The following SHANK2 variants were observed in gnomAD, a reference collection of about 807,000 sequenced individuals.
SHANK2 encodes the protein SH3 and multiple ankyrin repeat domains 2.
SHANK2 carries 43 observed loss-of-function variants against 133.7 expected under a neutral mutation model. The observed-to-expected ratio is 0.32, with a 90% CI of 0.25 to 0.41. SHANK2 has a LOEUF of 0.41. Ranked by LOEUF, SHANK2 falls within the 10% of genes least tolerant of loss-of-function variation. The pLI is 1.00. For synonymous variants in SHANK2, 1,017 were observed against 952.8 expected (o/e 1.07, Z -1.24); for missense variants, 1,994 against 2,235.8 (o/e 0.89, Z 2.18).
intron 11 of SHANK2, among the ~76,000 whole-genome samples, chr11:70,889,348 C>T (rs1276777218): frequency 6.6e-6 from 1 of 152,152 alleles, no homozygotes; most frequent in African/African-American, 2.4e-5. Context: ...GGAACCAGCC[C>T]TGCCAACACC....
intron 14 of SHANK2, among the ~76,000 whole-genome samples, chr11:70,718,193 G>A (rs1337650867): frequency 6.6e-6 from 1 of 152,228 alleles, no homozygotes; most frequent in Non-Finnish European, 1.5e-5. Context: ...TGGGCCGGAG[G>A]TGTCACTTAG....
Position 70,486,270 on chromosome 11 carries a change from T to C in SHANK2, c.4023A>G (p.Pro1341=). The C allele has an allele frequency of 6.2e-7, 1 of 1,614,054 alleles. No individual in the cohort carries two copies. The highest frequency in any genetic ancestry group is 8.5e-7 in the Non-Finnish European group (1 of 1,180,040). ...EDEKAEVEMK[P]DSSPSEVPEG... ...CTGGCACCTCGGACGGCGAGCTGTCTGGCTTCATCTCCACCTCTGCCTTCT... is the reference window on the plus strand; with the variant it reads ...CTGGCACCTCGGACGGCGAGCTGTCCGGCTTCATCTCCACCTCTGCCTTCT... Residue 1341 remains proline, a synonymous_variant, in exon 25 of 26, where the codon CCA becomes CCG. Coordinates refer to ENST00000601538, the MANE Select transcript of SHANK2 (RefSeq NM_012309.5). This position sits in a 1 kb window ranked among gnomAD's most constrained non-coding sequence, Gnocchi z 8.0.
chr11:70,493,872 T>G (rs782763090), intron 21 of SHANK2, among the ~76,000 whole-genome samples: 1 of 152,180 alleles, frequency 6.6e-6, no homozygotes, highest in Non-Finnish European at 1.5e-5. Flanking sequence ...CTTTGAGCCA[T>G]GAGGCTATTG....
rs1266592405 is a variant in SHANK2, at chr11:70,688,531, T to C, written c.1853+10157A>G. The stretch of plus-strand genomic sequence containing the variant: ...TGACCCACTGTGCACCCAGGAAACA[T>C]AGCAAGTGTCAGCTTTATGCTTGGC... On this transcript the variant is annotated intron_variant, in intron 15 of 25. Transcript: ENST00000601538. 3.9e-5 allele frequency among the ~76,000 whole-genome samples: 6 copies of C among 152,320 alleles called. No homozygotes were observed. The East Asian group carries it at 9.7e-4, about 25-fold the overall frequency.
intron 2 of SHANK2, among the ~76,000 whole-genome samples, chr11:71,174,239 A>C (rs1555112718): frequency 6.6e-6 from 1 of 152,218 alleles, no homozygotes; most frequent in African/African-American, 2.4e-5. Context: ...GTGACTGGAA[A>C]CAGTCATTAA....
intron 3 of SHANK2, among the ~76,000 whole-genome samples, chr11:71,124,199 G>A (rs1555102154): frequency 5.5e-5 from 4 of 72,412 alleles, no homozygotes; most frequent in Middle Eastern, 5.1e-3. Context: ...TGATGGTGAT[G>A]ATGGTGGTGA....
At chr11:70,478,996 C>T (rs1489573714) in intron 25 of SHANK2, among the ~76,000 whole-genome samples, 2 of 152,120 alleles carry the variant, frequency 1.3e-5, no homozygotes, top group East Asian at 3.9e-4. Flanking sequence ...TATGCTTTTG[C>T]CAAAAGGGCC....
chr11:70,932,180 C>T (rs1473938506), intron 10 of SHANK2, among the ~76,000 whole-genome samples: 1 of 152,236 alleles, frequency 6.6e-6, no homozygotes, highest in East Asian at 1.9e-4. Flanking sequence ...CTGCCTTAGC[C>T]ATGGAAATCC....
At chr11:70,937,947 G>A (rs868967561) in intron 10 of SHANK2, among the ~76,000 whole-genome samples, 10 of 152,076 alleles carry the variant, frequency 6.6e-5, no homozygotes, top group Non-Finnish European at 2.9e-5. Flanking sequence ...CTGTGTGCAT[G>A]CCTGTGTGTG....
At chr11:70,822,242 C>T (rs1223479002) in intron 11 of SHANK2, among the ~76,000 whole-genome samples, 1 of 152,244 alleles carries the variant, frequency 6.6e-6, no homozygotes, top group Non-Finnish European at 1.5e-5. Context: ...CGCTTGGCTC[C>T]GAAGTTTCCA....
chr11:70,506,530 A>G (rs1436164670), intron 17 of SHANK2, among the ~76,000 whole-genome samples: 10 of 152,290 alleles, frequency 6.6e-5, no homozygotes, highest in Non-Finnish European at 8.8e-5. Context: ...GCAGGGGTGG[A>G]GCTAGGTTTG....
chr11:71,244,820 T>TA (rs1954940487), intron 1 of SHANK2, among the ~76,000 whole-genome samples: 1 of 152,118 alleles, frequency 6.6e-6, no homozygotes, highest in Non-Finnish European at 1.5e-5. Context: ...TCTTGTGCCT[T>TA]AGCCTTCTGA....
chr11:70,788,250 G>A (rs1486064011), intron 14 of SHANK2, among the ~76,000 whole-genome samples: 1 of 152,176 alleles, frequency 6.6e-6, no homozygotes, highest in East Asian at 1.9e-4. Flanking sequence ...AATGGCCACA[G>A]ACAAGAAATC....
intron 9 of SHANK2, among the ~76,000 whole-genome samples, chr11:71,065,634 C>A (rs1951043224): frequency 7.9e-6 from 1 of 127,282 alleles, no homozygotes; most frequent in Admixed American, 8.8e-5. Flanking sequence ...GTGTGCAGAA[C>A]TCTCCCAGGG....
At chr11:70,828,794 C>T (rs1253348407) in intron 11 of SHANK2, among the ~76,000 whole-genome samples, 1 of 152,204 alleles carries the variant, frequency 6.6e-6, no homozygotes, top group Non-Finnish European at 1.5e-5. Context: ...GTGTGCTCAG[C>T]CACGTGAGCC....
chr11:70,782,948 G>T (rs1168887462), intron 14 of SHANK2, among the ~76,000 whole-genome samples: 1 of 152,150 alleles, frequency 6.6e-6, no homozygotes, highest in African/African-American at 2.4e-5. Context: ...TCACGGACCC[G>T]CAATGTGATG....
rs1004128491 is a variant in SHANK2 at position 71,175,331 on chromosome 11, C to T, written c.-12-27993G>A. Among the ~76,000 whole-genome samples the T allele has an allele frequency of 6.6e-6, 1 of 152,164 alleles. No individual in the cohort carries two copies. The highest frequency in any genetic ancestry group is 2.4e-5 in the African/African-American group (1 of 41,448). ...CCAGGAAATGCAAAGCTGATGAAAC[C>T]TGAGCCACAGAGGTGGTGTCAGTGA... On this transcript the variant is annotated intron_variant, in intron 2 of 25. Coordinates refer to ENST00000601538, the MANE Select transcript of SHANK2 (RefSeq NM_012309.5). This position sits in a 1 kb window ranked among gnomAD's most constrained non-coding sequence, Gnocchi z 4.2.
At chr11:71,059,808 C>G (rs954627653) in intron 9 of SHANK2, among the ~76,000 whole-genome samples, 7 of 152,200 alleles carry the variant, frequency 4.6e-5, no homozygotes, top group Non-Finnish European at 8.8e-5. Flanking sequence ...CCTGGGGCCT[C>G]GGTGACTGTG....
At chr11:70,688,444 A>G (rs1289111202) in intron 15 of SHANK2, among the ~76,000 whole-genome samples, 1 of 152,156 alleles carries the variant, frequency 6.6e-6, no homozygotes, top group Non-Finnish European at 1.5e-5. Context: ...TGAGTACTGG[A>G]GAAGGAGGAG....
Sources: allele counts gnomAD v4.1 joint callset (sites outside exome capture counted in the v4.1 genomes callset), GRCh38; gene constraint gnomAD v4.1.1; non-coding constraint Gnocchi (gnomAD v3.1); transcripts MANE v1.5; gene names NCBI Gene and HGNC (gene_info 2026-07-23, HGNC 2026-07-21).